BCL7C: variants seen among roughly 807,000 people sequenced by gnomAD.
BCL7C encodes B-cell CLL/lymphoma 7 protein family member C.
Under a neutral mutation model 26.2 loss-of-function variants are expected in BCL7C, and 8 were observed. That is an observed-to-expected ratio of 0.30 (90% CI 0.18 to 0.55). BCL7C has a LOEUF of 0.55. Ranked by LOEUF, BCL7C falls within the 20% of genes least tolerant of loss-of-function variation. BCL7C has a pLI of 0.93. For synonymous variants in BCL7C, 90 were observed against 116.5 expected, an observed-to-expected ratio of 0.77 and a Z score of 1.47; for missense variants, 262 against 298.5, an observed-to-expected ratio of 0.88 and a Z score of 0.90.
At chr16:30,839,245 C>A (rs1243479201) in intron 5 of BCL7C, among the ~76,000 whole-genome samples, 1 of 152,202 alleles carries the variant, frequency 6.6e-6, no homozygotes, top group Non-Finnish European at 1.5e-5. Context: ...CTCTAGAGGA[C>A]AGAATGTGTA....
At position 30,865,416 on chromosome 16, in the gene BCL7C, AT is replaced by A. The variant is rs1288675933; in HGVS notation, c.528+23443del. 2.0e-5 allele frequency among the ~76,000 whole-genome samples: 3 copies of A among 151,500 alleles called. No individual in the cohort carries two copies. The South Asian group carries it at 6.2e-4, about 32-fold the overall frequency. On this transcript the variant is annotated intron_variant, in intron 5 of 5. Transcript: ENST00000380317. ...TGTGACAGTCTCTACCAAAAAAAAA[AT>A]TTTTTTGAAAATTAGCCTGGCCTAG...
In BCL7C at chr16:30,859,355, C is replaced by T. The variant is rs574972984; in HGVS notation, c.529-24207G>A. The stretch of plus-strand genomic sequence containing the variant: ...ATAACAGTCCCACCATGGTGGTTTA[C>T]ACCTGAAATCCCAGCACTTTGGGAT... On this transcript the variant is annotated intron_variant, in intron 5 of 5. Coordinates refer to the BCL7C transcript ENST00000380317. 6.6e-5 allele frequency among the ~76,000 whole-genome samples: 10 copies of T among 152,296 alleles called. No homozygotes were observed. In the South Asian group the frequency reaches 1.2e-3, roughly 19 times the overall value.
intron 5 of BCL7C, among the ~76,000 whole-genome samples, chr16:30,844,587 T>A (rs2054623302): frequency 6.6e-6 from 1 of 152,166 alleles, no homozygotes; most frequent in Admixed American, 6.6e-5. Flanking sequence ...CTTCTTTTAA[T>A]TTTTTGATGG....
At chr16:30,845,960 C>T (rs746514084) in intron 5 of BCL7C, among the ~76,000 whole-genome samples, 21 of 151,508 alleles carry the variant, frequency 1.4e-4, no homozygotes, top group South Asian at 4.2e-4. Context: ...CAAAAATTAG[C>T]TGTGCATGGT....
At chr16:30,848,894 A>C (rs1443205786) in intron 5 of BCL7C, among the ~76,000 whole-genome samples, 13 of 146,654 alleles carry the variant, frequency 8.9e-5, no homozygotes, top group South Asian at 2.1e-4. Flanking sequence ...TCCATCACAA[A>C]AAAAAAAAAA....
chr16:30,886,170 A>G (rs1163598148), downstream of BCL7C, among the ~76,000 whole-genome samples: 4 of 152,086 alleles, frequency 2.6e-5, no homozygotes, highest in Non-Finnish European at 1.5e-5. Context: ...TAAAGTTCCA[A>G]TTTGGTCCTC....
At chr16:30,836,437 C>T (rs989164303) in intron 5 of BCL7C, among the ~76,000 whole-genome samples, 1 of 151,162 alleles carries the variant, frequency 6.6e-6, no homozygotes. Context: ...CACGCTGCTG[C>T]ACTCCAGCCT....
chr16:30,892,335 A>C (rs1313028612), intron 4 of BCL7C, among the ~76,000 whole-genome samples: 1 of 149,922 alleles, frequency 6.7e-6, no homozygotes, highest in Non-Finnish European at 1.5e-5. Flanking sequence ...GGAAACTGAC[A>C]TGAGAGTGAG....
intron 5 of BCL7C, among the ~76,000 whole-genome samples, chr16:30,873,451 T>C (rs1211650070): frequency 6.6e-6 from 1 of 152,166 alleles, no homozygotes; most frequent in African/African-American, 2.4e-5. Context: ...GTGGTGATAT[T>C]TGCAAAACTG....
intron 5 of BCL7C, among the ~76,000 whole-genome samples, chr16:30,882,047 G>A (rs1567321081): frequency 6.6e-6 from 1 of 150,906 alleles, no homozygotes; most frequent in Non-Finnish European, 1.5e-5. Context: ...TGCAACCTCC[G>A]CCTCCAGGGT....
intron 4 of BCL7C, among the ~76,000 whole-genome samples, chr16:30,889,395 A>G (rs901943735): frequency 6.6e-6 from 1 of 152,146 alleles, no homozygotes; most frequent in Non-Finnish European, 1.5e-5. Context: ...AATGCTTGCT[A>G]CCATTTTTAT....
At chr16:30,844,533 C>T (rs999060904) in intron 5 of BCL7C, among the ~76,000 whole-genome samples, 6 of 152,124 alleles carry the variant, frequency 3.9e-5, no homozygotes, top group African/African-American at 1.2e-4. Context: ...GCACAGGCCA[C>T]ACTGGTGGGT....
At chr16:30,859,491 T>C (rs2054751596) in intron 5 of BCL7C, among the ~76,000 whole-genome samples, 2 of 152,154 alleles carry the variant, frequency 1.3e-5, no homozygotes, top group East Asian at 3.8e-4. Flanking sequence ...TCACATCCCC[T>C]GTGACCTGCA....
In BCL7C at chr16:30,887,815, G is replaced by A; in HGVS notation, c.*50C>T. ...CAAAATTACAAAAGGGTCTTTATTT[G>A]TAAAAAGCCAAAGGGGCCCCTGGGG... On this transcript the variant is annotated 3_prime_UTR_variant, in exon 6 of 6. Coordinates refer to ENST00000215115, the MANE Select transcript of BCL7C (RefSeq NM_004765.4). 6.5e-7 allele frequency: 1 copy of A among 1,533,238 alleles called. No homozygotes were observed. The highest frequency in any genetic ancestry group is 8.7e-7 in the Non-Finnish European group (1 of 1,146,804). The allele number at this position is 1,533,238 out of a possible 1,614,324, so 95.0% of individuals were successfully genotyped here. A position where few individuals can be genotyped will look rare whatever the true frequency, so the allele number is the denominator to read the frequency against.
chr16:30,867,794 A>C (rs1389062772), intron 5 of BCL7C, among the ~76,000 whole-genome samples: 1 of 152,086 alleles, frequency 6.6e-6, no homozygotes, highest in African/African-American at 2.4e-5. Context: ...CTCCATCTCA[A>C]AAAGAAAAAA....
chr16:30,878,296 C>T (rs774198209), intron 5 of BCL7C, among the ~76,000 whole-genome samples: 2 of 151,720 alleles, frequency 1.3e-5, no homozygotes, highest in Admixed American at 6.6e-5. Flanking sequence ...TTTGGGAGGC[C>T]GAGGGAGACG....
chr16:30,847,065 TCA>T (rs761644248), intron 5 of BCL7C, among the ~76,000 whole-genome samples: 2 of 152,216 alleles, frequency 1.3e-5, no homozygotes, highest in Non-Finnish European at 2.9e-5. Context: ...TCAGCTCAAG[TCA>T]CAGTCTGAGA....
At chr16:30,861,128 C>A (rs1278624802) in intron 5 of BCL7C, among the ~76,000 whole-genome samples, 1 of 152,138 alleles carries the variant, frequency 6.6e-6, no homozygotes, top group Non-Finnish European at 1.5e-5. Flanking sequence ...AAACCCAGCC[C>A]AGTCCATGGC....
intron 5 of BCL7C, among the ~76,000 whole-genome samples, chr16:30,853,424 G>A (rs905923027): frequency 1.3e-5 from 2 of 152,102 alleles, no homozygotes; most frequent in Non-Finnish European, 2.9e-5. Context: ...GCATGGAGCT[G>A]TCATCTCCTA....
Sources: gnomAD v4.1 joint callset for allele counts (sites outside exome capture counted in the v4.1 genomes callset) on GRCh38, gnomAD v4.1.1 for gene constraint, MANE v1.5 for transcripts, NCBI Gene and HGNC (gene_info 2026-07-23, HGNC 2026-07-21) for gene names.